Variants in TECTA observed in about 807,000 individuals in gnomAD.
TECTA encodes alpha-tectorin.
A neutral mutation model predicts 216.8 loss-of-function variants in TECTA; 128 were observed. The ratio of observed to expected loss-of-function variants is 0.59; its 90% CI spans 0.51 to 0.68. TECTA has a LOEUF of 0.68. Ranked by LOEUF, TECTA falls within the 30% of genes least tolerant of loss-of-function variation. TECTA has a pLI of 0.00. For synonymous variants in TECTA, 1,089 were observed against 1,117.1 expected, an observed-to-expected ratio of 0.97 and a Z score of 0.50; for missense variants, 2,551 against 2,786.2, an observed-to-expected ratio of 0.92 and a Z score of 1.90.
At chr11:121,186,408 A>C (rs1947288761) in intron 20 of TECTA, among the ~76,000 whole-genome samples, 1 of 152,116 alleles carries the variant, frequency 6.6e-6, no homozygotes, top group Non-Finnish European at 1.5e-5. Context: ...GTCTGTGCTC[A>C]CTCTAAGAAA....
intron 7 of TECTA, among the ~76,000 whole-genome samples, chr11:121,122,504 G>A (rs1249747695): frequency 6.6e-6 from 1 of 152,008 alleles, no homozygotes; most frequent in East Asian, 1.9e-4. Flanking sequence ...CAGAAGATTG[G>A]TACCAGGAGT....
chr11:121,137,143 C>A (rs900217951), intron 10 of TECTA, among the ~76,000 whole-genome samples: 1 of 152,328 alleles, frequency 6.6e-6, no homozygotes, highest in Admixed American at 6.5e-5. Flanking sequence ...TGCACACACA[C>A]GTGCACATGC....
rs750658158 is a variant in TECTA at position 121,166,655 on chromosome 11, T to C, written c.5461T>C (p.Phe1821Leu). The change falls in exon 18 of 24, where the codon TTC (phenylalanine) becomes CTC (leucine). Residue 1821 changes from phenylalanine to leucine, a missense_variant. Coordinates refer to ENST00000392793, the MANE Select transcript of TECTA (RefSeq NM_005422.4). The stretch of plus-strand genomic sequence containing the variant: ...AGTGTCCATATCTAAGTGCAAGCTC[T>C]TCCAGCTCGGTTTTGAGAGGGAGGG... ...MEVSISKCKL[F>L]QLGFEREGVR... is the part of the protein sequence containing the mutation. 2 of 1,614,142 alleles carry C rather than the reference T, an allele frequency of 1.2e-6. No individual in the cohort carries two copies. The highest frequency in any genetic ancestry group is 4.5e-5 in the East Asian group (2 of 44,886).
In TECTA at chr11:121,125,393, AT is replaced by A; in HGVS notation, c.1299del (p.Phe433LeufsTer4). On this transcript the variant is annotated frameshift_variant, in exon 8 of 24. Transcript: ENST00000392793. LOFTEE classifies it high-confidence loss of function. ...GGCATATCTACTGCCGTGGAAACAG[AT>A]TTTGGGCTCTTAGTGACTTTTGATG... is the stretch of plus-strand genomic sequence containing the variant. ...QSGISTAVET[D>X]FGLLVTFDGQ... The A allele has an allele frequency of 6.2e-7, 1 of 1,614,190 alleles. No individual in the cohort carries two copies.
chr11:121,162,048 T>C, intron 15 of TECTA, 27 bp from the exon 16 acceptor site: 1 of 1,613,168 alleles, frequency 6.2e-7, no homozygotes, highest in Non-Finnish European at 8.5e-7. Context: ...CTCAGATGGC[T>C]GTTTTTGCTT....
rs1395588056 is a variant in TECTA at position 121,162,099 on chromosome 11, G to T, written c.5001G>T (p.Glu1667Asp). The T allele has an allele frequency of 6.2e-7, 1 of 1,614,026 alleles. No individual in the cohort carries two copies. The change falls in exon 16 of 24, where the codon GAG (glutamate) becomes GAT (aspartate). Residue 1667 changes from glutamate (E) to aspartate (D), a missense_variant. Transcript: ENST00000392793. Reference protein sequence around the residue: ...QKRPLAPSCNELQFSQYAAMC... With the variant: ...QKRPLAPSCNDLQFSQYAAMC... ...GACCTCTTGCCCCCAGCTGCAACGA[G>T]CTGCAGTTCTCACAGTATGCAGCCA... is the stretch of plus-strand genomic sequence containing the variant.
chr11:121,120,059 T>A (rs1408232734), intron 7 of TECTA, among the ~76,000 whole-genome samples: 2 of 152,236 alleles, frequency 1.3e-5, no homozygotes, highest in African/African-American at 2.4e-5. Flanking sequence ...CCTACTTTCC[T>A]GTATTTGGGG....
rs1414035409 is a variant in TECTA at position 121,169,030 on chromosome 11, C to CA, written c.5999+107dup. 1.9e-6 allele frequency: 3 copies of CA among 1,569,894 alleles called. No individual in the cohort carries two copies. The African/African-American group carries it at 4.1e-5, about 21-fold the overall frequency. On this transcript the variant is annotated intron_variant, in intron 20 of 23. Coordinates refer to ENST00000392793, the MANE Select transcript of TECTA (RefSeq NM_005422.4). ...GAAACTAATATTTGTTGGCTGCCTA[C>CA]AAGGCCAGAATTTTGCATTTATTAA...
Position 121,128,213 on chromosome 11 carries a change from C to T in TECTA, c.2236C>T (p.Arg746Cys), listed in dbSNP as rs771373438. The change falls in exon 9 of 24, where the codon CGC (arginine) becomes TGC (cysteine). Residue 746 changes from arginine (R) to cysteine (C), a missense_variant. Physicochemically the swap from Arg to Cys is radical, Grantham distance 180 (BLOSUM62 -3). Transcript: ENST00000392793. ...SYTLLKTCPE[R>C]PEYLEIDINK... ...CACCCTCCTGAAGACCTGCCCTGAG[C>T]GCCCAGAGTACTTGGAAATCGACAT... The T allele has an allele frequency of 1.9e-6, 3 of 1,604,242 alleles. No homozygotes were observed. The highest frequency in any genetic ancestry group is 1.7e-5 in the Admixed American group (1 of 60,024).
chr11:121,146,241 G>A, intron 12 of TECTA, 125 bp downstream of exon 12: 1 of 1,172,662 alleles, frequency 8.5e-7, no homozygotes, highest in Non-Finnish European at 1.2e-6. Flanking sequence ...ATGCACTTTG[G>A]AACTGAGTTT....
rs547180155 is a variant in TECTA, at chr11:121,128,937, G to A, written c.2367+593G>A. Among the ~76,000 whole-genome samples the A allele has an allele frequency of 1.3e-5, 2 of 152,302 alleles. 1 individual carries two copies. Among genetic ancestry groups the A allele is most frequent in the South Asian group, 4.1e-4 (2 of 4,826 alleles). On this transcript the variant is annotated intron_variant, in intron 9 of 23. Coordinates refer to ENST00000392793, the MANE Select transcript of TECTA (RefSeq NM_005422.4). ...TAGAAGGAATATTGAGAATTATCTAGTGCAACTCCTCATTTCACATGAAGA... is the reference window on the plus strand; with the variant it reads ...TAGAAGGAATATTGAGAATTATCTAATGCAACTCCTCATTTCACATGAAGA...
intron 3 of TECTA, among the ~76,000 whole-genome samples, chr11:121,107,964 A>G (rs955148223): frequency 2.0e-5 from 3 of 152,106 alleles, no homozygotes; most frequent in African/African-American, 7.2e-5. Flanking sequence ...GTAGGTCTTA[A>G]CCTTGTCCTT....
intron 3 of TECTA, among the ~76,000 whole-genome samples, chr11:121,107,645 T>C (rs73599472): frequency 0.027 from 4,111 of 152,298 alleles, 185 homozygotes; most frequent in African/African-American, 0.093. Context: ...CCATTACAGG[T>C]ACCTCTGCTG....
chr11:121,144,551 A>G (rs1946815896), intron 11 of TECTA, among the ~76,000 whole-genome samples: 1 of 151,882 alleles, frequency 6.6e-6, no homozygotes, highest in Admixed American at 6.5e-5. Context: ...CCGTTGCTGC[A>G]GTGAGCAAGC....
At position 121,105,826 on chromosome 11, in the gene TECTA, G is replaced by A. The variant is rs1483245713; in HGVS notation, c.65-5G>A. ...CATCTATCTAACCATCATCTCTCTT[G>A]ACAGCTCAGCCCAGGGAGCTCATGT... is the stretch of plus-strand genomic sequence containing the variant. On this transcript the variant is annotated splice_region_variant and splice_polypyrimidine_tract_variant and intron_variant, in intron 2 of 23. Transcript: ENST00000392793. This position sits in a 1 kb window ranked among gnomAD's most constrained non-coding sequence, Gnocchi z 5.3. The A allele has an allele frequency of 1.2e-6, 2 of 1,614,106 alleles. No homozygotes were observed. The highest frequency in any genetic ancestry group is 8.5e-7 in the Non-Finnish European group (1 of 1,180,014).
chr11:121,158,163 C>T lies in TECTA; in HGVS notation c.4628C>T (p.Ser1543Leu). Reference sequence around the variant, plus strand: ...TCGGCCCCCAACCTCACCATCATTTCGCCCGTCTACTTCTACATTAACGAA... The same window carrying T: ...TCGGCCCCCAACCTCACCATCATTTTGCCCGTCTACTTCTACATTAACGAA... ...KWSAPNLTII[S>L]PVYFYINEEQ... The change falls in exon 14 of 24, where the codon TCG becomes TTG. Residue 1543 changes from serine (S) to leucine (L), a missense_variant. Around this residue, in one of 3 missense-constraint regions of TECTA, gnomAD observed 2,375 missense variants for 2,563.9 expected, o/e 0.93. Coordinates refer to ENST00000392793, the MANE Select transcript of TECTA (RefSeq NM_005422.4). 1 of 1,614,150 alleles carries T rather than the reference C, an allele frequency of 6.2e-7. No homozygotes were observed. Among genetic ancestry groups the T allele is most frequent in the Non-Finnish European group, 8.5e-7 (1 of 1,180,044 alleles).
chr11:121,155,009 T>C (rs534750616), intron 13 of TECTA, among the ~76,000 whole-genome samples: 43 of 152,316 alleles, frequency 2.8e-4, no homozygotes, highest in Admixed American at 1.2e-3. Context: ...CATCAGAACC[T>C]CAGTGGATTT....
chr11:121,128,901 AT>A (rs748610060), intron 9 of TECTA, among the ~76,000 whole-genome samples: 6 of 152,184 alleles, frequency 3.9e-5, no homozygotes, highest in Non-Finnish European at 7.3e-5. Flanking sequence ...AGACTTATAG[AT>A]CCTTAGCTCT....
At chr11:121,136,556 G>A (rs943434575) in intron 10 of TECTA, among the ~76,000 whole-genome samples, 5 of 152,120 alleles carry the variant, frequency 3.3e-5, no homozygotes, top group Non-Finnish European at 5.9e-5. Context: ...GGTACAAAGA[G>A]GAGCAAGGCA....
Sources: allele counts gnomAD v4.1 joint callset (sites outside exome capture counted in the v4.1 genomes callset), GRCh38; gene constraint gnomAD v4.1.1; regional missense constraint gnomAD v4.1.1; non-coding constraint Gnocchi (gnomAD v3.1); transcripts MANE v1.5; gene names NCBI Gene and HGNC (gene_info 2026-07-23, HGNC 2026-07-21).